GALNT16: variants seen among roughly 807,000 people sequenced by gnomAD.
The protein encoded by GALNT16 is UDP-GalNAc:polypeptide N-acetylgalactosaminyltransferase-like protein 1.
A neutral mutation model predicts 76.1 loss-of-function variants in GALNT16; 40 were observed. That is an observed-to-expected ratio of 0.53 (90% CI 0.41 to 0.68). The LOEUF (loss-of-function observed/expected upper bound fraction) is 0.68, where lower values mean the gene tolerates loss of function less well. Ranked by LOEUF, GALNT16 falls within the 30% of genes least tolerant of loss-of-function variation. The pLI is 0.00. For missense variants in GALNT16, 621 were observed against 731.9 expected (o/e 0.85, Z 1.75); for synonymous variants, 276 against 285.2 (o/e 0.97, Z 0.32).
intron 1 of GALNT16, among the ~76,000 whole-genome samples, chr14:69,316,775 G>T (rs2045106387): frequency 1.2e-5 from 1 of 86,642 alleles, no homozygotes; most frequent in Non-Finnish European, 2.2e-5. Context: ...TGTAGTCTGT[G>T]AGGGGGGGGG....
At chr14:69,287,818 C>A (rs1357329947) in intron 1 of GALNT16, among the ~76,000 whole-genome samples, 1 of 152,136 alleles carries the variant, frequency 6.6e-6, no homozygotes. Context: ...GATGCAGCTG[C>A]CTCTGAGTGA....
In GALNT16 at chr14:69,279,251, AT is replaced by A. The variant is rs1413208240; in HGVS notation, c.177+18788del. 3.9e-5 allele frequency among the ~76,000 whole-genome samples: 6 copies of A among 152,256 alleles called. No individual in the cohort carries two copies. The East Asian group carries it at 1.2e-3, about 29-fold the overall frequency. On this transcript the variant is annotated intron_variant, in intron 1 of 14. Coordinates refer to ENST00000448469, the MANE Select transcript of GALNT16 (RefSeq NM_001168368.2). ...CTGGCCATTTATCTTAAATTTTAAT[AT>A]TTTGTTCATTAAGAATTTTTTGCAT...
chr14:69,351,748 G>T, intron 14 of GALNT16: 1 of 283,950 alleles, frequency 3.5e-6, no homozygotes, highest in Non-Finnish European at 6.7e-6. Context: ...CCCAGTCTCT[G>T]CAAAAAATTT....
chr14:69,350,618 GC>G (rs2045623851), intron 14 of GALNT16: 1 of 152,496 alleles, frequency 6.6e-6, no homozygotes, highest in Non-Finnish European at 1.5e-5. Flanking sequence ...CCCAGGCTCC[GC>G]CCCTGCCTTC....
At position 69,322,925 on chromosome 14, in the gene GALNT16, GGTGTGTGTGTGTGTGT is replaced by G. The variant is rs766188989; in HGVS notation, c.336-1725_336-1710del. Among the ~76,000 whole-genome samples, 179 of 103,856 alleles carry G rather than the reference GGTGTGTGTGTGTGTGT, an allele frequency of 1.7e-3. 5 individuals carry two copies. The highest frequency in any genetic ancestry group is 5.1e-3 in the African/African-American group (131 of 25,596). The allele number at this position is 103,856 out of a possible 152,430, so 68.1% of individuals were successfully genotyped here. On this transcript the variant is annotated intron_variant, in intron 2 of 14. Transcript: ENST00000448469. ...AAAAGAAAGCTGAGGTGGCTCACGG[GGTGTGTGTGTGTGTGT>G]GTGTGTGTGTGTGTGTGTGTGTGTG...
the GALNT16 span, among the ~76,000 whole-genome samples, chr14:69,371,732 T>C: frequency 6.6e-6 from 1 of 151,110 alleles, no homozygotes; most frequent in Non-Finnish European, 1.5e-5. Flanking sequence ...GATCATGAGG[T>C]CAGGAGTTGG....
At chr14:69,295,650 G>C (rs1017497364) in intron 1 of GALNT16, among the ~76,000 whole-genome samples, 1 of 152,106 alleles carries the variant, frequency 6.6e-6, no homozygotes, top group African/African-American at 2.4e-5. Context: ...AACCCAGGGG[G>C]CAGAGGTTAC....
At chr14:69,365,765 G>C in the GALNT16 span, among the ~76,000 whole-genome samples, 19 of 151,076 alleles carry the variant, frequency 1.3e-4, no homozygotes, top group South Asian at 1.9e-3. Flanking sequence ...TCCTGCACAT[G>C]TACCCCTGAG....
At chr14:69,324,035 A>C (rs2045241433) in intron 2 of GALNT16, among the ~76,000 whole-genome samples, 1 of 152,108 alleles carries the variant, frequency 6.6e-6, no homozygotes, top group South Asian at 2.1e-4. Flanking sequence ...AGTAGGCCAG[A>C]AAATGTGGTG....
chr14:69,266,550 T>C (rs1166963658), intron 1 of GALNT16, among the ~76,000 whole-genome samples: 1 of 152,082 alleles, frequency 6.6e-6, no homozygotes, highest in Non-Finnish European at 1.5e-5. Flanking sequence ...TTCCAAGGAA[T>C]AGAATTGAGG....
At chr14:69,372,526 T>C in the GALNT16 span, among the ~76,000 whole-genome samples, 400 of 147,786 alleles carry the variant, frequency 2.7e-3, 4 homozygotes, top group African/African-American at 9.8e-3. Flanking sequence ...AATGGAGTCT[T>C]GCTCTGTTGC....
At chr14:69,379,084 C>T in the GALNT16 span, among the ~76,000 whole-genome samples, 12 of 152,200 alleles carry the variant, frequency 7.9e-5, no homozygotes, top group Non-Finnish European at 1.5e-4. Flanking sequence ...ATAGTACAAG[C>T]GTGTGCCACC....
chr14:69,266,356 T>C (rs969227697), intron 1 of GALNT16, among the ~76,000 whole-genome samples: 3 of 152,226 alleles, frequency 2.0e-5, no homozygotes, highest in Admixed American at 2.0e-4. Flanking sequence ...GACATGATAA[T>C]GTTCAAACCA....
chr14:69,282,281 A>G lies in GALNT16; in HGVS notation c.177+21814A>G, dbSNP rs2044554001. 1.3e-5 allele frequency among the ~76,000 whole-genome samples: 2 copies of G among 152,130 alleles called. 1 individual carries two copies. The highest frequency in any genetic ancestry group is 4.8e-5 in the African/African-American group (2 of 41,420). ...CTGGAGTCAACCAGACCTGGATTCG[A>G]GTCCCCGACTTTCCTCATCTCCTAT... On this transcript the variant is annotated intron_variant, in intron 1 of 14. Coordinates refer to ENST00000448469, the MANE Select transcript of GALNT16 (RefSeq NM_001168368.2).
chr14:69,301,862 C>T (rs2044857725), intron 1 of GALNT16, among the ~76,000 whole-genome samples: 1 of 152,116 alleles, frequency 6.6e-6, no homozygotes, highest in African/African-American at 2.4e-5. Flanking sequence ...TGGTGGTGTG[C>T]ACCTGTAGTA....
At chr14:69,271,833 A>T (rs537890713) in intron 1 of GALNT16, among the ~76,000 whole-genome samples, 2 of 152,342 alleles carry the variant, frequency 1.3e-5, no homozygotes, top group East Asian at 3.9e-4. Context: ...TCTGCTGTAA[A>T]ATATATATCG....
At chr14:69,298,215 A>G (rs778595692) in intron 1 of GALNT16, among the ~76,000 whole-genome samples, 1 of 152,242 alleles carries the variant, frequency 6.6e-6, no homozygotes, top group Non-Finnish European at 1.5e-5. Context: ...TGCCAATGCC[A>G]GTTCCTGATG....
In GALNT16 at chr14:69,261,034, C is replaced by T. The variant is rs2044263435; in HGVS notation, c.177+567C>T. Reference sequence around the variant, plus strand: ...TTCTTCGGCGCGGACACCCAGCTTCCCCGGAGTTCTCTGGGTTGAGGAGAG... The same window carrying T: ...TTCTTCGGCGCGGACACCCAGCTTCTCCGGAGTTCTCTGGGTTGAGGAGAG... On this transcript the variant is annotated intron_variant, in intron 1 of 14. Transcript: ENST00000448469. This position sits in a 1 kb window ranked among gnomAD's most constrained non-coding sequence, Gnocchi z 6.4. Among the ~76,000 whole-genome samples the T allele has an allele frequency of 6.6e-6, 1 of 152,200 alleles. No individual in the cohort carries two copies. The highest frequency in any genetic ancestry group is 6.5e-5 in the Admixed American group (1 of 15,290).
chr14:69,325,525 A>G (rs569227360), intron 4 of GALNT16, 121 bp downstream of exon 4: 1 of 723,696 alleles, frequency 1.4e-6, no homozygotes, highest in Non-Finnish European at 2.5e-6. Flanking sequence ...TGCCCCCAGC[A>G]GGGATCCTGT....
Sources: allele counts gnomAD v4.1 joint callset (sites outside exome capture counted in the v4.1 genomes callset), GRCh38; gene constraint gnomAD v4.1.1; non-coding constraint Gnocchi (gnomAD v3.1); transcripts MANE v1.5; gene names NCBI Gene and HGNC (gene_info 2026-07-23, HGNC 2026-07-21).